Variants in CERK observed in about 807,000 individuals in gnomAD.
CERK encodes the protein ceramide kinase, also known as acylsphingosine kinase.
Under a neutral mutation model 63.4 loss-of-function variants are expected in CERK, and 39 were observed. That is an observed-to-expected ratio of 0.61 (90% confidence interval 0.48 to 0.80). The LOEUF (loss-of-function observed/expected upper bound fraction) is 0.80. Ranked by LOEUF, CERK falls within the 30% of genes least tolerant of loss-of-function variation. The pLI is 0.00. For missense variants in CERK, 670 were observed against 714.1 expected (o/e 0.94, Z 0.70); for synonymous variants, 302 against 280.0 (o/e 1.08, Z -0.78).
At chr22:46,708,207 G>A (rs2082823498) in intron 5 of CERK, among the ~76,000 whole-genome samples, 1 of 152,216 alleles carries the variant, frequency 6.6e-6, no homozygotes, top group South Asian at 2.1e-4. Flanking sequence ...GGCAAATACT[G>A]GCTTTCCTTC....
In CERK at chr22:46,685,290, CA is replaced by C. The variant is rs1290295827; in HGVS notation, c.*1843del. 1 of 152,342 alleles carries C rather than the reference CA, an allele frequency of 6.6e-6. No homozygotes were observed. The highest frequency in any genetic ancestry group is 2.4e-5 in the African/African-American group (1 of 41,464). The allele number at this position is 152,342 out of a possible 1,614,324, so 9.4% of individuals were successfully genotyped here. The stretch of plus-strand genomic sequence containing the variant: ...TTCACCATGTTGGGCAGGCTGATCT[CA>C]AACTCCTGACCTTAGGTGATCCACC... On this transcript the variant is annotated 3_prime_UTR_variant, in exon 13 of 13. Coordinates refer to ENST00000216264, the MANE Select transcript of CERK (RefSeq NM_022766.6).
intron 1 of CERK, among the ~76,000 whole-genome samples, chr22:46,729,963 T>G (rs1240916895): frequency 6.8e-6 from 1 of 146,946 alleles, no homozygotes; most frequent in African/African-American, 2.5e-5. Context: ...GGCGTGAACC[T>G]GGGAGGCGGA....
chr22:46,699,708 A>G (rs754042300), intron 7 of CERK, among the ~76,000 whole-genome samples: 3 of 152,244 alleles, frequency 2.0e-5, no homozygotes, highest in Non-Finnish European at 2.9e-5. Flanking sequence ...TGGGGACTGA[A>G]CAAGAGTGTA....
intron 5 of CERK, among the ~76,000 whole-genome samples, chr22:46,708,391 G>A (rs981808633): frequency 6.6e-6 from 1 of 152,254 alleles, no homozygotes; most frequent in African/African-American, 2.4e-5. Context: ...CACTGCGGGA[G>A]AGGCACAGCA....
rs2082741970 is a variant in CERK at position 46,693,521 on chromosome 22, C to A, written c.1050-18G>T. 3 of 1,609,268 alleles carry A rather than the reference C, an allele frequency of 1.9e-6. No homozygotes were observed. The highest frequency in any genetic ancestry group is 1.6e-4 in the Middle Eastern group (1 of 6,074). ...CAAAGCATCTGAAAGACAAGAATAT[C>A]ATCACCTTTTAAATATGGAGCTGCA... On this transcript the variant is annotated intron_variant, in intron 9 of 12. Coordinates refer to ENST00000216264, the MANE Select transcript of CERK (RefSeq NM_022766.6).
In CERK at chr22:46,720,210, T is replaced by C. The variant is rs1390208423; in HGVS notation, c.257-2A>G. On this transcript the variant is annotated splice_acceptor_variant, in intron 2 of 12. Transcript: ENST00000216264. LOFTEE classifies it high-confidence loss of function. ...GTCGTGCTCTCTTTACACAGTGAAC[T>C]GCACAGAAGCAAGCATGCTCGTTAG... 1 of 1,609,788 alleles carries C rather than the reference T, an allele frequency of 6.2e-7. No homozygotes were observed. The highest frequency in any genetic ancestry group is 8.5e-7 in the Non-Finnish European group (1 of 1,177,184).
At chr22:46,713,519 A>AC (rs1362180759) in intron 3 of CERK, among the ~76,000 whole-genome samples, 3 of 150,050 alleles carry the variant, frequency 2.0e-5, no homozygotes, top group Admixed American at 6.7e-5. Context: ...AAAAAAAAAA[A>AC]AAAAAAAAAA....
chr22:46,691,870 C>A, intron 10 of CERK, 93 bp from the exon 11 acceptor site: 2 of 893,286 alleles, frequency 2.2e-6, no homozygotes. Flanking sequence ...GGGCTCTCAC[C>A]TGCTCATGCA....
intron 2 of CERK, among the ~76,000 whole-genome samples, chr22:46,720,466 G>A (rs1306221700): frequency 2.6e-5 from 4 of 152,128 alleles, no homozygotes; most frequent in Non-Finnish European, 2.9e-5. Flanking sequence ...AGGCTGAGGC[G>A]GGCAGATCAC....
At chr22:46,719,590 T>C (rs1288827119) in intron 3 of CERK, among the ~76,000 whole-genome samples, 1 of 152,150 alleles carries the variant, frequency 6.6e-6, no homozygotes, top group East Asian at 1.9e-4. Context: ...AAGAATCACT[T>C]GAACCCAGGA....
At position 46,730,760 on chromosome 22, in the gene CERK, C is replaced by T. The variant is rs1475825784; in HGVS notation, c.142+7247G>A. ...GACAGGCAGAGAAAAGGCAGCTGTT[C>T]AGGGCCTGGGATCTGAGAAAGACAC... is the stretch of plus-strand genomic sequence containing the variant. On this transcript the variant is annotated intron_variant, in intron 1 of 12. Coordinates refer to ENST00000216264, the MANE Select transcript of CERK (RefSeq NM_022766.6). Among the ~76,000 whole-genome samples the T allele has an allele frequency of 3.3e-5, 5 of 152,204 alleles. No homozygotes were observed. The East Asian group carries it at 9.6e-4, about 29-fold the overall frequency.
At chr22:46,696,718 C>G (rs801710) in intron 8 of CERK, among the ~76,000 whole-genome samples, 6,033 of 152,356 alleles carry the variant, frequency 0.04, 371 homozygotes, top group African/African-American at 0.14. Flanking sequence ...CTGAGAGCAT[C>G]TCAGGCCCTG....
intron 1 of CERK, among the ~76,000 whole-genome samples, chr22:46,733,165 G>A (rs376665697): frequency 7.9e-5 from 10 of 127,068 alleles, no homozygotes; most frequent in African/African-American, 1.9e-4. Context: ...CTGAGATCAC[G>A]CCACTGCACT....
intron 1 of CERK, among the ~76,000 whole-genome samples, chr22:46,726,586 G>A (rs567373151): frequency 2.2e-4 from 33 of 152,278 alleles, no homozygotes; most frequent in East Asian, 3.9e-4. Flanking sequence ...CAATGCAAAC[G>A]CATTTCCCTG....
rs61748564 is a variant in CERK, at chr22:46,707,847, G to A, written c.711C>T (p.Pro237=). Residue 237 remains proline, a synonymous_variant, in exon 6 of 13, where the codon CCC becomes CCT. Coordinates refer to ENST00000216264, the MANE Select transcript of CERK (RefSeq NM_022766.6). ...AATGCCAGGCCGGCTCCATACCTGC[G>A]GGAATGATTCCAATCCGGAGGCTAC... is the stretch of plus-strand genomic sequence containing the variant. ...VPSSLRIGII[P]AGSTDCVCYS... is the part of the protein sequence containing the mutation. The A allele has an allele frequency of 0.01, 16,306 of 1,606,678 alleles. 97 individuals are homozygous for A. Among genetic ancestry groups the A allele is most frequent in the Non-Finnish European group, 0.011 (13,344 of 1,174,856 alleles).
In CERK at chr22:46,684,693, A is replaced by G. The variant is rs1179982842; in HGVS notation, c.*2441T>C. Reference sequence around the variant, plus strand: ...TTCTAAGTTATCCTAAGTTTTTACTATCTAACCAGCACTTCTGATTTTTTT... The same window carrying G: ...TTCTAAGTTATCCTAAGTTTTTACTGTCTAACCAGCACTTCTGATTTTTTT... On this transcript the variant is annotated 3_prime_UTR_variant, in exon 13 of 13. Coordinates refer to ENST00000216264, the MANE Select transcript of CERK (RefSeq NM_022766.6). 1 of 149,918 alleles carries G rather than the reference A, an allele frequency of 6.7e-6. No homozygotes were observed. Among genetic ancestry groups the G allele is most frequent in the Non-Finnish European group, 1.5e-5 (1 of 67,592 alleles). 9.3% of individuals were successfully genotyped at this position (149,918 alleles called of 1,614,324 possible). A position where few individuals can be genotyped will look rare whatever the true frequency, so the allele number is the denominator to read the frequency against.
At chr22:46,717,539 C>A (rs2082872347) in intron 3 of CERK, among the ~76,000 whole-genome samples, 1 of 152,242 alleles carries the variant, frequency 6.6e-6, no homozygotes, top group African/African-American at 2.4e-5. Flanking sequence ...GAAAACTTCA[C>A]AAGTGTCATG....
In CERK at chr22:46,687,050, T is replaced by G; in HGVS notation, c.*84A>C. 9.6e-7 allele frequency: 1 copy of G among 1,039,278 alleles called. No homozygotes were observed. The highest frequency in any genetic ancestry group is 2.2e-5 in the Admixed American group (1 of 46,234). The allele number at this position is 1,039,278 out of a possible 1,614,324, so 64.4% of individuals were successfully genotyped here. ...TCAAAAATAAATTTCTACATTTAAA[T>G]GTATATATCAACATAATTGGTCTGT... On this transcript the variant is annotated 3_prime_UTR_variant, in exon 13 of 13. Transcript: ENST00000216264.
rs1171558760 is a variant in CERK at position 46,720,756 on chromosome 22, G to A, written c.256+146C>T. On this transcript the variant is annotated intron_variant, in intron 2 of 12. Coordinates refer to ENST00000216264, the MANE Select transcript of CERK (RefSeq NM_022766.6). ...ACCATTAACTAAAACATTAACTAAA[G>A]GTAGCATTTGGGGAAAAAAATAGGA... The A allele has an allele frequency of 5.4e-6, 3 of 552,366 alleles. No individual in the cohort carries two copies. The African/African-American group carries it at 5.7e-5, about 11-fold the overall frequency. The allele number at this position is 552,366 out of a possible 1,614,324, so 34.2% of individuals were successfully genotyped here.
Sources: gnomAD v4.1 joint callset for allele counts (sites outside exome capture counted in the v4.1 genomes callset) on GRCh38, gnomAD v4.1.1 for gene constraint, MANE v1.5 for transcripts, NCBI Gene and HGNC (gene_info 2026-07-23, HGNC 2026-07-21) for gene names.